The following WNT7B variants were observed in gnomAD, a reference collection of about 807,000 sequenced individuals.
The protein encoded by WNT7B is Wnt family member 7B.
Under a neutral mutation model 38.2 loss-of-function variants are expected in WNT7B, and 19 were observed. The observed-to-expected ratio is 0.50, with a 90% CI of 0.35 to 0.73. WNT7B has a LOEUF of 0.73. Among genes scored for constraint, WNT7B ranks in the 30% least tolerant of loss-of-function variants. The probability of loss-of-function intolerance (pLI) is 0.01; values close to 1 mark genes in which losing one functional copy is unlikely to be tolerated. For synonymous variants in WNT7B, 243 were observed against 209.3 expected, an observed-to-expected ratio of 1.16 and a Z score of -1.39; for missense variants, 423 against 507.9, an observed-to-expected ratio of 0.83 and a Z score of 1.61.
chr22:45,973,833 C>A (rs1459302953), intron 1 of WNT7B, among the ~76,000 whole-genome samples: 1 of 152,190 alleles, frequency 6.6e-6, no homozygotes, highest in Non-Finnish European at 1.5e-5. Context: ...AGGGGTTGTA[C>A]ATGTGAGTTG....
chr22:45,927,635 C>G, intron 3 of WNT7B: 1 of 798,726 alleles, frequency 1.3e-6, no homozygotes, highest in South Asian at 1.4e-5. Flanking sequence ...GTGGCTCACA[C>G]CTGTAATCCA....
At chr22:45,929,475 T>C (rs28669936) in intron 3 of WNT7B, among the ~76,000 whole-genome samples, 2 of 142,094 alleles carry the variant, frequency 1.4e-5, no homozygotes, top group African/African-American at 5.6e-5. Flanking sequence ...TACTTATCCT[T>C]CCATCTGTAC....
At chr22:45,963,952 A>G (rs1433169515) in intron 1 of WNT7B, among the ~76,000 whole-genome samples, 1 of 152,084 alleles carries the variant, frequency 6.6e-6, no homozygotes, top group Non-Finnish European at 1.5e-5. Flanking sequence ...CCGCACCTCC[A>G]GGAGCTGCAG....
chr22:45,948,935 G>A (rs116451604), intron 2 of WNT7B, among the ~76,000 whole-genome samples: 3,967 of 137,654 alleles, frequency 0.029, 179 homozygotes, highest in African/African-American at 0.099. Context: ...ACCTCTCTCC[G>A]CCTCCCGGAT....
intron 1 of WNT7B, among the ~76,000 whole-genome samples, chr22:45,961,099 C>A (rs994704502): frequency 6.6e-6 from 1 of 152,242 alleles, no homozygotes; most frequent in African/African-American, 2.4e-5. Flanking sequence ...GCAGCTCTGG[C>A]GCTGCCCTCA....
At chr22:45,941,943 G>C (rs1931659788) in intron 2 of WNT7B, among the ~76,000 whole-genome samples, 1 of 152,014 alleles carries the variant, frequency 6.6e-6, no homozygotes, top group African/African-American at 2.4e-5. Context: ...CTGAGGTAGG[G>C]TAGGGATGCA....
At chr22:45,942,855 CTGTGTGTG>C (rs71190685) in intron 2 of WNT7B, among the ~76,000 whole-genome samples, 1 of 150,962 alleles carries the variant, frequency 6.6e-6, no homozygotes, top group Non-Finnish European at 1.5e-5. Flanking sequence ...TGAGTGGGTG[CTGTGTGTG>C]TGTGTGTGCG....
At chr22:45,935,566 T>A (rs1047007695) in intron 2 of WNT7B, among the ~76,000 whole-genome samples, 1 of 152,136 alleles carries the variant, frequency 6.6e-6, no homozygotes, top group Non-Finnish European at 1.5e-5. Context: ...CCTCCCCGAA[T>A]GCCCTCTGTA....
At chr22:45,923,788 C>T (rs1930998592) in intron 3 of WNT7B, among the ~76,000 whole-genome samples, 1 of 152,172 alleles carries the variant, frequency 6.6e-6, no homozygotes, top group South Asian at 2.1e-4. Context: ...CCGCTCCCCA[C>T]CCTCGAGCTT....
intron 1 of WNT7B, among the ~76,000 whole-genome samples, chr22:45,962,254 G>A (rs751770758): frequency 6.6e-6 from 1 of 152,166 alleles, no homozygotes; most frequent in Non-Finnish European, 1.5e-5. Flanking sequence ...CAAGGGGCCC[G>A]CAGCTAATGA....
At chr22:45,929,892 C>G (rs1236622882) in intron 3 of WNT7B, among the ~76,000 whole-genome samples, 1 of 146,930 alleles carries the variant, frequency 6.8e-6, no homozygotes, top group Non-Finnish European at 1.5e-5. Flanking sequence ...ACCCACTCAT[C>G]CACTCATCTA....
At chr22:45,953,727 A>G (rs1931993276) in intron 1 of WNT7B, among the ~76,000 whole-genome samples, 1 of 151,302 alleles carries the variant, frequency 6.6e-6, no homozygotes, top group African/African-American at 2.4e-5. Context: ...ATGATTTAAA[A>G]AAAAAAAAAA....
chr22:45,936,326 G>C (rs980413511), intron 2 of WNT7B, among the ~76,000 whole-genome samples: 3 of 152,230 alleles, frequency 2.0e-5, no homozygotes, highest in African/African-American at 7.2e-5. Flanking sequence ...ACATCACTAA[G>C]ATGGTGGGCA....
chr22:45,924,239 G>C (rs374607959), intron 3 of WNT7B, among the ~76,000 whole-genome samples: 1 of 152,182 alleles, frequency 6.6e-6, no homozygotes, highest in East Asian at 1.9e-4. Context: ...TCTGTCCCTC[G>C]GGCCAGAACT....
chr22:45,939,649 T>TCTCA (rs1931597110), intron 2 of WNT7B, among the ~76,000 whole-genome samples: 2 of 101,170 alleles, frequency 2.0e-5, no homozygotes, highest in African/African-American at 6.4e-5. Context: ...ACACACACAC[T>TCTCA]CACACACACA....
chr22:45,936,353 G>A (rs187592003), intron 2 of WNT7B, among the ~76,000 whole-genome samples: 3 of 152,328 alleles, frequency 2.0e-5, no homozygotes, highest in Non-Finnish European at 2.9e-5. Context: ...GGCCGGCTAC[G>A]GGTGGACCAG....
rs569355757 is a variant in WNT7B, at chr22:45,944,587, A to G, written c.298+5333T>C. 2.3e-3 allele frequency among the ~76,000 whole-genome samples: 357 copies of G among 152,242 alleles called. 2 individuals are homozygous for G. Among genetic ancestry groups the G allele is most frequent in the African/African-American group, 8.2e-3 (341 of 41,546 alleles). On this transcript the variant is annotated intron_variant, in intron 2 of 3. Transcript: ENST00000339464. ...AGCTGCCTTGGGCTGGGCCCCTGAG[A>G]TGAGGGTGGAGGTGGGGAGTGACCA...
chr22:45,943,856 AGGGCC>A (rs919641094), intron 2 of WNT7B, among the ~76,000 whole-genome samples: 1 of 152,160 alleles, frequency 6.6e-6, no homozygotes, highest in African/African-American at 2.4e-5. Flanking sequence ...GTAATGGCTG[AGGGCC>A]GGGCTGCTGT....
rs1324458312 is a variant in WNT7B at position 45,977,068 on chromosome 22, G to A, written c.-314C>T. The A allele has an allele frequency of 5.8e-5, 56 of 964,052 alleles. No individual in the cohort carries two copies. The highest frequency in any genetic ancestry group is 6.5e-5 in the Non-Finnish European group (53 of 811,002). 59.7% of individuals were successfully genotyped at this position (964,052 alleles called of 1,614,324 possible). A position where few individuals can be genotyped will look rare whatever the true frequency, so the allele number is the denominator to read the frequency against. ...CGGGCGCGGCTGGCGGGCGGGTGCA[G>A]CCTGCACTAGGCGCAGCCGCCTGAG... On this transcript the variant is annotated 5_prime_UTR_variant, in exon 1 of 4. Transcript: ENST00000339464.
Sources: gnomAD v4.1 joint callset for allele counts (sites outside exome capture counted in the v4.1 genomes callset) on GRCh38, gnomAD v4.1.1 for gene constraint, MANE v1.5 for transcripts, NCBI Gene and HGNC (gene_info 2026-07-23, HGNC 2026-07-21) for gene names.